CUL4A: variants seen among roughly 807,000 people sequenced by gnomAD.
CUL4A encodes the protein cullin-4A.
In CUL4A, 16 loss-of-function variants were observed where a neutral mutation model predicts 95.5. The observed-to-expected ratio is 0.17, with a 90% confidence interval of 0.11 to 0.25. The LOEUF is 0.25. Among genes scored for constraint, CUL4A ranks in the 10% least tolerant of loss-of-function variants. The probability of loss-of-function intolerance (pLI) is 1.00; values close to 1 mark genes in which losing one functional copy is unlikely to be tolerated. For synonymous variants in CUL4A, 380 were observed against 353.1 expected (o/e 1.08, Z -0.85); for missense variants, 610 against 937.0 (o/e 0.65, Z 4.56).
At chr13:113,230,635 T>G (rs1388129553) in intron 5 of CUL4A, among the ~76,000 whole-genome samples, 1 of 152,210 alleles carries the variant, frequency 6.6e-6, no homozygotes, top group Non-Finnish European at 1.5e-5. Flanking sequence ...ACTAATGTAT[T>G]TAATCCCTAG....
intron 2 of CUL4A, among the ~76,000 whole-genome samples, chr13:113,215,154 CGCTGTGTG>C (rs2040603607): frequency 7.0e-6 from 1 of 143,572 alleles, no homozygotes; most frequent in Non-Finnish European, 1.5e-5. Flanking sequence ...CTGTGGAGGT[CGCTGTGTG>C]ACTATGGAGG....
In CUL4A at chr13:113,244,426, A is replaced by T. The variant is rs370618224; in HGVS notation, c.1245A>T (p.Ser415=). 140 of 1,613,288 alleles carry T rather than the reference A, an allele frequency of 8.7e-5. No homozygotes were observed. Among genetic ancestry groups the T allele is most frequent in the Non-Finnish European group, 1.1e-4 (130 of 1,179,652 alleles). The part of the protein sequence containing the change: ...PAELIAKHVD[S]KLRAGNKEAT... ...TGCTCACAGCAAAGCATGTGGATTC[A>T]AAGTTAAGAGCAGGCAACAAAGAAG... Residue 415 remains serine (S), a synonymous_variant, in exon 12 of 20, where the codon TCA becomes TCT. Coordinates refer to ENST00000375440, the MANE Select transcript of CUL4A (RefSeq NM_001008895.4).
intron 8 of CUL4A, among the ~76,000 whole-genome samples, chr13:113,236,337 C>G (rs1423931360): frequency 6.6e-6 from 1 of 152,120 alleles, no homozygotes. Context: ...GAAGCAGCAG[C>G]CAGGGAAGTC....
At chr13:113,261,242 C>T (rs551824156) in intron 19 of CUL4A, among the ~76,000 whole-genome samples, 3 of 152,246 alleles carry the variant, frequency 2.0e-5, no homozygotes, top group South Asian at 2.1e-4. Context: ...TGTCCTGCCA[C>T]GTGTGGGATG....
chr13:113,209,087 G>C (rs1382962541), upstream of CUL4A: 1 of 174,730 alleles, frequency 5.7e-6, no homozygotes, highest in Non-Finnish European at 1.1e-5. Flanking sequence ...CTCTCATAAG[G>C]TGCCTCCGCC....
chr13:113,251,552 A>G (rs2041995013), intron 15 of CUL4A, among the ~76,000 whole-genome samples: 1 of 150,924 alleles, frequency 6.6e-6, no homozygotes, highest in South Asian at 2.2e-4. Context: ...CCGGGTGGGA[A>G]GCGACCGGAT....
chr13:113,209,018 C>T, upstream of CUL4A: 1 of 712,434 alleles, frequency 1.4e-6, no homozygotes, highest in South Asian at 5.6e-5. Flanking sequence ...TGGGCCAGGG[C>T]CTCGGGGCGC....
At chr13:113,225,253 C>T (rs1420435427) in intron 3 of CUL4A, among the ~76,000 whole-genome samples, 3 of 152,144 alleles carry the variant, frequency 2.0e-5, no homozygotes. Context: ...CTCACGGTGT[C>T]TGTGTGTCTC....
chr13:113,238,844 C>T (rs902365217), intron 9 of CUL4A, among the ~76,000 whole-genome samples: 2 of 152,288 alleles, frequency 1.3e-5, no homozygotes, highest in South Asian at 4.1e-4. Flanking sequence ...ACCTGGCTGC[C>T]TCTCAGTAGT....
At chr13:113,258,320 C>T (rs925523895) in intron 18 of CUL4A, among the ~76,000 whole-genome samples, 4 of 152,130 alleles carry the variant, frequency 2.6e-5, no homozygotes, top group Admixed American at 2.0e-4. Context: ...GTAGCTATTC[C>T]TATAACTTTA....
chr13:113,208,740 C>G (rs931014389), upstream of CUL4A: 41 of 1,483,864 alleles, frequency 2.8e-5, no homozygotes, highest in Middle Eastern at 7.0e-4. Context: ...CCGGCCCCGC[C>G]GCGGGTGCGC....
At chr13:113,208,337 C>T (rs1595310241), upstream of CUL4A, 10 of 1,432,390 alleles carry the variant, frequency 7.0e-6, no homozygotes, top group African/African-American at 1.4e-5. Flanking sequence ...CCTGGGACCG[C>T]CGCGTCTACT....
intron 16 of CUL4A, among the ~76,000 whole-genome samples, chr13:113,254,127 T>C (rs1672796786): frequency 6.6e-6 from 1 of 152,130 alleles, no homozygotes; most frequent in Admixed American, 6.6e-5. Flanking sequence ...GGGCTTGTTA[T>C]GGGCTTGTGA....
In CUL4A at chr13:113,210,100, GC is replaced by G. The variant is rs1366368020; in HGVS notation, c.264+14del. On this transcript the variant is annotated intron_variant, in intron 2 of 19. Coordinates refer to ENST00000375440, the MANE Select transcript of CUL4A (RefSeq NM_001008895.4). ...AGGAGCTCTACCAGGTGAGGCGGCG[GC>G]CGGGGCTGGGGACGCCGCTCCTGCC... 1 of 1,481,802 alleles carries G rather than the reference GC, an allele frequency of 6.7e-7. No individual in the cohort carries two copies. The highest frequency in any genetic ancestry group is 9.0e-7 in the Non-Finnish European group (1 of 1,112,496). 91.8% of individuals were successfully genotyped at this position (1,481,802 alleles called of 1,614,324 possible).
rs2042396448 is a variant in CUL4A at position 113,266,395 on chromosome 13, G to A, written c.*2813G>A. On this transcript the variant is annotated 3_prime_UTR_variant, in exon 20 of 20. Coordinates refer to ENST00000375440, the MANE Select transcript of CUL4A (RefSeq NM_001008895.4). ...CAAATAGGGAAACACCTATGTGAAA[G>A]GTATTATAACATTACTAAGGAACAC... 1 of 152,124 alleles carries A rather than the reference G, an allele frequency of 6.6e-6. No individual in the cohort carries two copies. Among genetic ancestry groups the A allele is most frequent in the South Asian group, 2.1e-4 (1 of 4,830 alleles). The allele number at this position is 152,124 out of a possible 1,614,324, so 9.4% of individuals were successfully genotyped here. A position where few individuals can be genotyped will look rare whatever the true frequency, so the allele number is the denominator to read the frequency against.
In CUL4A at chr13:113,228,475, G is replaced by A. The variant is rs115095318; in HGVS notation, c.438+430G>A. 4.7e-3 allele frequency among the ~76,000 whole-genome samples: 716 copies of A among 152,212 alleles called. 5 individuals are homozygous for A. Among genetic ancestry groups the A allele is most frequent in the African/African-American group, 0.016 (669 of 41,530 alleles). On this transcript the variant is annotated intron_variant, in intron 4 of 19. Coordinates refer to ENST00000375440, the MANE Select transcript of CUL4A (RefSeq NM_001008895.4). The stretch of plus-strand genomic sequence containing the variant: ...AATTACTTAAGTGAGAGAACAGACC[G>A]TATTAATAGCTTTCCTAAGTAGGTT...
At chr13:113,238,132 G>C (rs1247467500) in intron 9 of CUL4A, among the ~76,000 whole-genome samples, 1 of 152,040 alleles carries the variant, frequency 6.6e-6, no homozygotes, top group Non-Finnish European at 1.5e-5. Context: ...TTTTATGAAA[G>C]GAGTCACTTT....
Position 113,260,203 on chromosome 13 carries a change from CAAAAAAAA to C in CUL4A, c.2032-395_2032-388del, listed in dbSNP as rs71101559. Among the ~76,000 whole-genome samples, 2 of 12,530 alleles carry C rather than the reference CAAAAAAAA, an allele frequency of 1.6e-4. 1 individual carries two copies. Among genetic ancestry groups the C allele is most frequent in the African/African-American group, 4.6e-4 (2 of 4,314 alleles). 8.2% of individuals were successfully genotyped at this position (12,530 alleles called of 152,430 possible). A position where few individuals can be genotyped will look rare whatever the true frequency, so the allele number is the denominator to read the frequency against. On this transcript the variant is annotated intron_variant, in intron 18 of 19. Transcript: ENST00000375440. ...TGGGTGACAGAGTGAGACTCCGTCT[CAAAAAAAA>C]AAAAAAAACCATTTCCCATCAAATT...
chr13:113,239,139 T>G (rs2041631679), intron 9 of CUL4A, among the ~76,000 whole-genome samples: 1 of 152,196 alleles, frequency 6.6e-6, no homozygotes, highest in South Asian at 2.1e-4. Context: ...GGTTAAATAG[T>G]TGGTGTAAAC....
Sources: allele counts gnomAD v4.1 joint callset (sites outside exome capture counted in the v4.1 genomes callset), GRCh38; gene constraint gnomAD v4.1.1; transcripts MANE v1.5; gene names NCBI Gene and HGNC (gene_info 2026-07-23, HGNC 2026-07-21).